CAMK1G: variants seen among roughly 807,000 people sequenced by gnomAD.
CAMK1G encodes calcium/calmodulin-dependent protein kinase type 1G.
Under a neutral mutation model 54.8 loss-of-function variants are expected in CAMK1G, and 27 were observed. The observed-to-expected ratio is 0.49, with a 90% confidence interval of 0.36 to 0.68. The LOEUF (loss-of-function observed/expected upper bound fraction) is 0.68. Ranked by LOEUF, CAMK1G falls within the 30% of genes least tolerant of loss-of-function variation. The pLI is 0.00. For missense variants in CAMK1G, 512 were observed against 591.0 expected (o/e 0.87, Z 1.39); for synonymous variants, 238 against 224.9 (o/e 1.06, Z -0.52).
intron 4 of CAMK1G, among the ~76,000 whole-genome samples, chr1:209,604,787 G>C (rs1665607480): frequency 6.6e-6 from 1 of 152,180 alleles, no homozygotes; most frequent in Non-Finnish European, 1.5e-5. Flanking sequence ...GTCCCGATGG[G>C]TGGAATTGGT....
Position 209,607,880 on chromosome 1 carries a change from A to G in CAMK1G, c.582A>G (p.Lys194=). 1.2e-6 allele frequency: 2 copies of G among 1,613,146 alleles called. No homozygotes were observed. Among genetic ancestry groups the G allele is most frequent in the Non-Finnish European group, 1.7e-6 (2 of 1,179,656 alleles). Residue 194 remains lysine (K), a synonymous_variant, in exon 7 of 13, where the codon AAA becomes AAG. Transcript: ENST00000361322. ...GYVAPEVLAQ[K]PYSKAVDCWS... is the part of the protein sequence containing the mutation. ...CAGCTCCAGAAGTGCTGGCCCAGAA[A>G]CCCTACAGCAAGGCTGTGGATTGCT...
At position 209,611,748 on chromosome 1, in the gene CAMK1G, T is replaced by C. The variant is rs1571788747; in HGVS notation, c.916-44T>C. The C allele has an allele frequency of 3.1e-6, 5 of 1,598,168 alleles. No individual in the cohort carries two copies. The East Asian group carries it at 1.1e-4, about 36-fold the overall frequency. ...AGGGAAAGTTTAAGCTCCAAGGCCC[T>C]CTGAGGTTGCAGAAGGCCAGAGGCT... On this transcript the variant is annotated intron_variant, in intron 10 of 12. Coordinates refer to ENST00000361322, the MANE Select transcript of CAMK1G (RefSeq NM_020439.3).
intron 5 of CAMK1G, among the ~76,000 whole-genome samples, chr1:209,606,055 G>C (rs1571783861): frequency 6.6e-6 from 1 of 152,114 alleles, no homozygotes; most frequent in South Asian, 2.1e-4. Flanking sequence ...AACACAAACA[G>C]GGTAGTTGGA....
At chr1:209,595,963 C>T (rs549852500) in intron 2 of CAMK1G, among the ~76,000 whole-genome samples, 1 of 152,370 alleles carries the variant, frequency 6.6e-6, no homozygotes, top group Admixed American at 6.5e-5. Context: ...GGCCCCCAAA[C>T]CCCTCAGAAC....
At chr1:209,607,787 G>A in intron 6 of CAMK1G, 71 bp from the exon 7 acceptor site, 1 of 1,286,056 alleles carries the variant, frequency 7.8e-7, no homozygotes, top group South Asian at 1.3e-5. Context: ...CTCTAAGCCT[G>A]GCCTTCAGCT....
Position 209,612,819 on chromosome 1 carries a change from G to A in CAMK1G, c.1375G>A (p.Ala459Thr). 5 of 1,614,108 alleles carry A rather than the reference G, an allele frequency of 3.1e-6. No individual in the cohort carries two copies. Among genetic ancestry groups the A allele is most frequent in the Non-Finnish European group, 4.2e-6 (5 of 1,179,992 alleles). Reference protein sequence around the residue: ...FKSEVMVPVKASGSSHCRAGQ... With the variant: ...FKSEVMVPVKTSGSSHCRAGQ... ...GTCGGAGGTCATGGTACCAGTTAAA[G>A]CCAGTGGCAGCTCCCACTGCCGGGC... Residue 459 changes from alanine (A) to threonine (T), a missense_variant, in exon 12 of 13, where the codon GCC becomes ACC. By Grantham distance (58) the Ala-to-Thr change is moderately conservative (BLOSUM62 0). Transcript: ENST00000361322.
chr1:209,606,421 C>G lies in CAMK1G; in HGVS notation c.537C>G (p.Ala179=). The change falls in exon 6 of 13, where the codon GCC becomes GCG. Residue 179 remains alanine, a synonymous_variant. Coordinates refer to ENST00000361322, the MANE Select transcript of CAMK1G (RefSeq NM_020439.3). ...AACAGAATGGCATCATGTCCACTGC[C>G]TGTGGGACCCCAGGCTACGTGGGTA... ...KMEQNGIMST[A]CGTPGYVAPE... 6.2e-7 allele frequency: 1 copy of G among 1,614,056 alleles called. No homozygotes were observed. Among genetic ancestry groups the G allele is most frequent in the South Asian group, 1.1e-5 (1 of 91,074 alleles).
In CAMK1G at chr1:209,609,915, C is replaced by T. The variant is rs762942646; in HGVS notation, c.813C>T (p.Ala271=). Residue 271 remains alanine (A), a synonymous_variant, in exon 9 of 13, where the codon GCC becomes GCT. Transcript: ENST00000361322. ...DPNERYTCEK[A]LSHPWIDGNT... ...ACGAGCGGTACACCTGTGAGAAGGC[C>T]TTGAGTCATCCCTGGTGAGTGAGAC... 8 of 1,614,108 alleles carry T rather than the reference C, an allele frequency of 5.0e-6. No homozygotes were observed. In the East Asian group the frequency reaches 1.1e-4, roughly 22 times the overall value.
At chr1:209,609,224 A>G (rs979067884) in intron 8 of CAMK1G, 132 bp downstream of exon 8, 2 of 1,003,574 alleles carry the variant, frequency 2.0e-6, no homozygotes, top group Non-Finnish European at 2.9e-6. Context: ...GCTGCCAAGG[A>G]AAGTGGAGAA....
At chr1:209,592,291 G>C (rs1396898513) in intron 1 of CAMK1G, among the ~76,000 whole-genome samples, 1 of 145,850 alleles carries the variant, frequency 6.9e-6, no homozygotes, top group African/African-American at 2.6e-5. Context: ...GCTGCAGTAA[G>C]GAATGATCAC....
chr1:209,612,687 T>A, intron 11 of CAMK1G, 98 bp from the exon 12 acceptor site: 1 of 944,286 alleles, frequency 1.1e-6, no homozygotes. Flanking sequence ...GAGAGCTGAG[T>A]GGATGCCACA....
Position 209,597,280 on chromosome 1 carries a change from C to T in CAMK1G, c.92+2205C>T, listed in dbSNP as rs1017079798. On this transcript the variant is annotated intron_variant, in intron 2 of 12. Transcript: ENST00000361322. Reference sequence around the variant, plus strand: ...TGAATGGCACCTGCTGAAGTTGTTGCACTGCACAACCTGCCCAATAATAGC... The same window carrying T: ...TGAATGGCACCTGCTGAAGTTGTTGTACTGCACAACCTGCCCAATAATAGC... Among the ~76,000 whole-genome samples the T allele has an allele frequency of 2.6e-5, 4 of 152,288 alleles. No individual in the cohort carries two copies. In the East Asian group the frequency reaches 7.7e-4, roughly 29 times the overall value.
chr1:209,603,833 A>G (rs1208245075), intron 4 of CAMK1G, among the ~76,000 whole-genome samples: 3 of 152,210 alleles, frequency 2.0e-5, no homozygotes, highest in Admixed American at 1.3e-4. Flanking sequence ...CCCAAAACAG[A>G]GTCACCCAAA....
rs878869929 is a variant in CAMK1G, at chr1:209,609,075, A to G, written c.731A>G (p.Asp244Gly). Residue 244 changes from aspartate to glycine, a missense_variant, in exon 8 of 13, where the codon GAT becomes GGT. Transcript: ENST00000361322. Reference protein sequence around the residue: ...GYYEFESPFWDDISESAKDFI... With the variant: ...GYYEFESPFWGDISESAKDFI... ...TATGAGTTTGAGTCTCCATTCTGGG[A>G]TGACATTTCTGAGTCAGGTAAGGCC... The G allele has an allele frequency of 1.2e-6, 2 of 1,614,150 alleles. No homozygotes were observed. The highest frequency in any genetic ancestry group is 1.7e-6 in the Non-Finnish European group (2 of 1,180,018).
chr1:209,592,990 G>GA (rs201696930), intron 1 of CAMK1G, among the ~76,000 whole-genome samples: 49 of 149,634 alleles, frequency 3.3e-4, no homozygotes, highest in East Asian at 9.8e-4. Context: ...TAGCAGAACA[G>GA]AAAAAAAAAT....
At chr1:209,598,002 A>G (rs9429821) in intron 2 of CAMK1G, among the ~76,000 whole-genome samples, 39,302 of 152,206 alleles carry the variant, frequency 0.26, 6,147 homozygotes, top group Non-Finnish European at 0.34. Context: ...TGAATCAGAT[A>G]CTATTGATAC....
chr1:209,601,801 T>C (rs773695474), intron 3 of CAMK1G, among the ~76,000 whole-genome samples: 13 of 152,252 alleles, frequency 8.5e-5, no homozygotes, highest in Non-Finnish European at 1.6e-4. Context: ...ACCCAGACAC[T>C]GTATTAAGCA....
In CAMK1G at chr1:209,608,072, T is replaced by TACAC. The variant is rs35151738; in HGVS notation, c.635+161_635+164dup. On this transcript the variant is annotated intron_variant, in intron 7 of 12. Transcript: ENST00000361322. ...AGACACAGGCACAGGGGCACACGGG[T>TACAC]ACACACACACACACACACACACACA... 1.9e-3 allele frequency: 1,075 copies of TACAC among 559,210 alleles called. 1 individual carries two copies. The highest frequency in any genetic ancestry group is 0.011 in the African/African-American group (572 of 51,706). The allele number at this position is 559,210 out of a possible 1,614,324, so 34.6% of individuals were successfully genotyped here.
chr1:209,609,474 T>G (rs1181443525), intron 8 of CAMK1G, among the ~76,000 whole-genome samples: 2 of 152,174 alleles, frequency 1.3e-5, no homozygotes, highest in African/African-American at 2.4e-5. Context: ...GATCATTACG[T>G]GATTGTTGGA....
Sources: gnomAD v4.1 joint callset for allele counts (sites outside exome capture counted in the v4.1 genomes callset) on GRCh38, gnomAD v4.1.1 for gene constraint, MANE v1.5 for transcripts, NCBI Gene and HGNC (gene_info 2026-07-23, HGNC 2026-07-21) for gene names.